Variants in FAM149A observed in about 807,000 individuals in gnomAD.
FAM149A encodes protein FAM149A.
FAM149A carries 71 observed loss-of-function variants against 78.2 expected under a neutral mutation model. The observed-to-expected ratio is 0.91, with a 90% CI of 0.75 to 1.11. FAM149A has a LOEUF of 1.11. Ranked by LOEUF, FAM149A falls within the 50% of genes least tolerant of loss-of-function variation. The pLI is 0.00. For synonymous variants in FAM149A, 446 were observed against 410.5 expected (o/e 1.09, Z -1.04); for missense variants, 1,036 against 971.0 (o/e 1.07, Z -0.89).
At chr4:186,168,071 C>T (rs1579938018) in intron 13 of FAM149A, among the ~76,000 whole-genome samples, 2 of 152,188 alleles carry the variant, frequency 1.3e-5, no homozygotes, top group African/African-American at 2.4e-5. Context: ...GAATTTTAAA[C>T]ATATAATTCT....
intron 1 of FAM149A, among the ~76,000 whole-genome samples, chr4:186,138,699 A>G (rs2099324544): frequency 6.6e-6 from 1 of 152,148 alleles, no homozygotes; most frequent in South Asian, 2.1e-4. Flanking sequence ...TGTTTTTATC[A>G]TGGTGAGACT....
At position 186,144,801 on chromosome 4, in the gene FAM149A, C is replaced by G. The variant is rs1321517223; in HGVS notation, c.567-4372C>G. ...GATTAGCTGGCGGGCGAGGGCGCAGCGCAGGGAGGAGGAGGGGAGGCGGCG... is the reference window on the plus strand; with the variant it reads ...GATTAGCTGGCGGGCGAGGGCGCAGGGCAGGGAGGAGGAGGGGAGGCGGCG... On this transcript the variant is annotated intron_variant, in intron 1 of 13. Transcript: ENST00000389354. The surrounding 1 kb of genome is among the most constrained non-coding windows in gnomAD (Gnocchi z 4.2). 1.2e-5 allele frequency: 12 copies of G among 980,216 alleles called. No homozygotes were observed. Among genetic ancestry groups the G allele is most frequent in the Non-Finnish European group, 1.5e-5 (12 of 826,534 alleles). The allele number at this position is 980,216 out of a possible 1,614,324, so 60.7% of individuals were successfully genotyped here.
chr4:186,123,918 A>G, intron 1 of FAM149A: 5 of 984,372 alleles, frequency 5.1e-6, no homozygotes, highest in Non-Finnish European at 6.0e-6. Context: ...AAGCAGTGAC[A>G]GTAGCTGAAA....
chr4:186,133,668 T>A (rs2099321702), intron 1 of FAM149A, among the ~76,000 whole-genome samples: 3 of 152,196 alleles, frequency 2.0e-5, no homozygotes. Context: ...CTATGAACAT[T>A]TTTTAGAGAT....
chr4:186,171,876 C>T (rs956171188), intron 13 of FAM149A, 38 bp from the exon 14 acceptor site: 9 of 1,566,664 alleles, frequency 5.7e-6, no homozygotes, highest in Non-Finnish European at 7.8e-6. Flanking sequence ...GCCTTTGTAA[C>T]ATTTTAATGA....
chr4:186,106,362 C>T (rs1037029118), intron 1 of FAM149A, among the ~76,000 whole-genome samples: 1 of 152,276 alleles, frequency 6.6e-6, no homozygotes, highest in South Asian at 2.1e-4. Context: ...AAAAACATTG[C>T]TCTTTTAAAA....
At chr4:186,142,654 A>G (rs2099326321) in intron 1 of FAM149A, among the ~76,000 whole-genome samples, 1 of 152,134 alleles carries the variant, frequency 6.6e-6, no homozygotes, top group South Asian at 2.1e-4. Context: ...ACTTCACTGG[A>G]GGGACCACTC....
chr4:186,153,543 C>A (rs1733782767), intron 4 of FAM149A, 102 bp from the exon 5 acceptor site: 7 of 1,514,748 alleles, frequency 4.6e-6, no homozygotes, highest in Middle Eastern at 2.0e-4. Context: ...CACATCTTAT[C>A]ATACACATGC....
At chr4:186,146,204 G>A (rs1040926536) in intron 1 of FAM149A, among the ~76,000 whole-genome samples, 1 of 152,114 alleles carries the variant, frequency 6.6e-6, no homozygotes, top group African/African-American at 2.4e-5. Context: ...GAATTGTGTG[G>A]TCAAGTTTGT....
At chr4:186,120,708 C>T (rs1207598349) in intron 1 of FAM149A, among the ~76,000 whole-genome samples, 3 of 144,858 alleles carry the variant, frequency 2.1e-5, no homozygotes, top group Non-Finnish European at 4.5e-5. Context: ...GCAGGAGAAT[C>T]GCTGGAACCA....
At chr4:186,143,785 C>T (rs532194579) in intron 1 of FAM149A, among the ~76,000 whole-genome samples, 74 of 152,272 alleles carry the variant, frequency 4.9e-4, no homozygotes, top group Admixed American at 1.6e-3. Context: ...CCCACCTCAG[C>T]CTTCCAAAGT....
intron 1 of FAM149A, among the ~76,000 whole-genome samples, chr4:186,136,994 C>CTCTCTCTCTTTCTCTCTT (rs2099323500): frequency 2.2e-5 from 3 of 136,462 alleles, no homozygotes; most frequent in African/African-American, 8.0e-5. Flanking sequence ...CTCTCTCTCT[C>CTCTCTCTCTTTCTCTCTT]TCTCTCTCTC....
At chr4:186,147,969 A>G (rs998048378) in intron 1 of FAM149A, among the ~76,000 whole-genome samples, 3 of 152,248 alleles carry the variant, frequency 2.0e-5, no homozygotes, top group African/African-American at 7.2e-5. Flanking sequence ...CTCTTGCATG[A>G]GACGTATCTA....
chr4:186,127,941 C>T (rs1188883058), intron 1 of FAM149A, among the ~76,000 whole-genome samples: 1 of 149,822 alleles, frequency 6.7e-6, no homozygotes, highest in Non-Finnish European at 1.5e-5. Context: ...TCCCCACTCA[C>T]CTTCCCAAAG....
At chr4:186,158,014 A>C in intron 8 of FAM149A, 1 of 1,455,984 alleles carries the variant, frequency 6.9e-7, no homozygotes, top group Non-Finnish European at 9.1e-7. Context: ...TATATCCACA[A>C]AAGGACGGAC....
Position 186,167,281 on chromosome 4 carries a change from G to A in FAM149A, c.2218+19G>A. ...TTGACAGGTCAGCTTTTCTCCATATGTAAATAAAGTGATGTAGTAAGTGAG... is the reference window on the plus strand; with the variant it reads ...TTGACAGGTCAGCTTTTCTCCATATATAAATAAAGTGATGTAGTAAGTGAG... On this transcript the variant is annotated intron_variant, in intron 13 of 13. Coordinates refer to ENST00000389354, the MANE Select transcript of FAM149A (RefSeq NM_001367768.3). 1.9e-6 allele frequency: 3 copies of A among 1,589,302 alleles called. No homozygotes were observed. The highest frequency in any genetic ancestry group is 2.6e-6 in the Non-Finnish European group (3 of 1,157,528).
Position 186,156,044 on chromosome 4 carries a change from A to G in FAM149A, c.1274A>G (p.Lys425Arg), listed in dbSNP as rs1180960728. Residue 425 changes from lysine to arginine, a missense_variant, in exon 7 of 14, where the codon AAA becomes AGA. Around this residue, in one of 3 missense-constraint regions of FAM149A, gnomAD observed 716 missense variants for 711.8 expected, o/e 1.01. Coordinates refer to ENST00000389354, the MANE Select transcript of FAM149A (RefSeq NM_001367768.3). ...CAAAAACCAGCTCAGCCCGGTAGGA[A>G]ATGGCGCAAACTCGGACTTCCTCCT... is the stretch of plus-strand genomic sequence containing the variant. The G allele has an allele frequency of 1.2e-6, 2 of 1,613,872 alleles. No homozygotes were observed. Among genetic ancestry groups the G allele is most frequent in the East Asian group, 2.2e-5 (1 of 44,882 alleles).
intron 1 of FAM149A, among the ~76,000 whole-genome samples, chr4:186,133,943 A>G (rs2099321808): frequency 6.6e-6 from 1 of 152,226 alleles, no homozygotes; most frequent in Non-Finnish European, 1.5e-5. Flanking sequence ...GGTATGAGCC[A>G]CTGCACCTGG....
chr4:186,124,703 G>A (rs1247811551), intron 1 of FAM149A, among the ~76,000 whole-genome samples: 2 of 152,130 alleles, frequency 1.3e-5, no homozygotes, highest in Non-Finnish European at 2.9e-5. Flanking sequence ...TTGCTATTGT[G>A]AATAGTGCCA....
Sources: allele counts gnomAD v4.1 joint callset (sites outside exome capture counted in the v4.1 genomes callset), GRCh38; gene constraint gnomAD v4.1.1; regional missense constraint gnomAD v4.1.1; non-coding constraint Gnocchi (gnomAD v3.1); transcripts MANE v1.5; gene names NCBI Gene and HGNC (gene_info 2026-07-23, HGNC 2026-07-21).